Variants in PCDH15 observed in about 807,000 individuals in gnomAD.
PCDH15 encodes the protein protocadherin-15.
In PCDH15, 129 loss-of-function variants were observed where a neutral mutation model predicts 178.5. The observed-to-expected ratio is 0.72, with a 90% CI of 0.63 to 0.84. The LOEUF (loss-of-function observed/expected upper bound fraction) is 0.84. Ranked by LOEUF, PCDH15 falls within the 40% of genes least tolerant of loss-of-function variation. The probability of loss-of-function intolerance (pLI) is 0.00; values close to 1 mark genes in which losing one functional copy is unlikely to be tolerated. For synonymous variants in PCDH15, 800 were observed against 732.0 expected (o/e 1.09, Z -1.50); for missense variants, 2,230 against 2,099.9 (o/e 1.06, Z -1.21).
chr10:54,783,071 T>A (rs1950525009), intron 1 of PCDH15, among the ~76,000 whole-genome samples: 1 of 151,928 alleles, frequency 6.6e-6, no homozygotes, highest in African/African-American at 2.4e-5. Context: ...ACAAAACAGG[T>A]AAATGCAAGG....
intron 1 of PCDH15, among the ~76,000 whole-genome samples, chr10:55,280,705 T>C (rs1592045605): frequency 6.6e-6 from 1 of 152,146 alleles, no homozygotes; most frequent in African/African-American, 2.4e-5. Context: ...TCTATGTAGA[T>C]AGAGTCTAGT....
chr10:55,410,881 C>T (rs1395628864), intron 2 of PCDH15, among the ~76,000 whole-genome samples: 3 of 151,994 alleles, frequency 2.0e-5, no homozygotes, highest in South Asian at 2.1e-4. Flanking sequence ...TAGACATGTA[C>T]GCATTATTGC....
intron 3 of PCDH15, among the ~76,000 whole-genome samples, chr10:54,396,548 T>G (rs79936406): frequency 0.018 from 2,716 of 152,212 alleles, 92 homozygotes; most frequent in African/African-American, 0.062. Flanking sequence ...AGAGCAAGTG[T>G]CTTGACAGAG....
chr10:54,593,581 T>C (rs1347673205), intron 2 of PCDH15, among the ~76,000 whole-genome samples: 1 of 152,188 alleles, frequency 6.6e-6, no homozygotes, highest in Non-Finnish European at 1.5e-5. Flanking sequence ...ATTTGTAAAT[T>C]ATTTTGAAAT....
chr10:54,074,711 T>C (rs957084271), intron 17 of PCDH15, among the ~76,000 whole-genome samples: 11 of 152,178 alleles, frequency 7.2e-5, no homozygotes, highest in Admixed American at 2.0e-4. Flanking sequence ...GATATATAAA[T>C]GAAAGTGTGA....
At chr10:55,605,242 T>A (rs1456264061) in intron 2 of PCDH15, among the ~76,000 whole-genome samples, 1 of 151,996 alleles carries the variant, frequency 6.6e-6, no homozygotes, top group East Asian at 1.9e-4. Flanking sequence ...TCTGAAATTG[T>A]GGCAATAATC....
At chr10:54,569,909 A>G (rs1165403449) in intron 2 of PCDH15, among the ~76,000 whole-genome samples, 1 of 152,136 alleles carries the variant, frequency 6.6e-6, no homozygotes, top group Non-Finnish European at 1.5e-5. Context: ...CAGAGATTAC[A>G]TTGGGTTCTA....
At chr10:55,280,569 G>A (rs868306804) in intron 1 of PCDH15, among the ~76,000 whole-genome samples, 1 of 150,766 alleles carries the variant, frequency 6.6e-6, no homozygotes, top group Admixed American at 6.6e-5. Context: ...GATTACAGGC[G>A]TGAGCCACCG....
At chr10:53,953,843 G>T (rs185122947) in intron 23 of PCDH15, among the ~76,000 whole-genome samples, 1 of 152,260 alleles carries the variant, frequency 6.6e-6, no homozygotes, top group Admixed American at 6.5e-5. Context: ...AGGCTGGAGT[G>T]CAGTGGCGCA....
chr10:55,617,184 G>C (rs999531618), intron 2 of PCDH15, among the ~76,000 whole-genome samples: 1 of 151,994 alleles, frequency 6.6e-6, no homozygotes, highest in Non-Finnish European at 1.5e-5. Context: ...CCAAATAGGA[G>C]TGTTTACTAT....
chr10:54,379,218 T>C (rs1948870109), intron 3 of PCDH15, among the ~76,000 whole-genome samples: 1 of 152,014 alleles, frequency 6.6e-6, no homozygotes, highest in Non-Finnish European at 1.5e-5. Flanking sequence ...TAAATCTGTT[T>C]CCCCCCATCT....
rs1554816509 is a variant in PCDH15, at chr10:53,811,607, C to T, written c.4504G>A (p.Glu1502Lys). Reference protein sequence around the residue: ...SLLKPEELSMESGIDPGQEYG... With the variant: ...SLLKPEELSMKSGIDPGQEYG... The stretch of plus-strand genomic sequence containing the variant: ...TCCTGGCCAGGATCAATTCCAGACT[C>T]CATGGATAATTCCTATTGTTCAAAA... Residue 1502 changes from glutamate (E) to lysine (K), a missense_variant, in exon 36 of 38, where the codon GAG (glutamate) becomes AAG (lysine). Physicochemically the swap from Glu to Lys is moderately conservative, Grantham distance 56. Coordinates refer to ENST00000644397, the MANE Select transcript of PCDH15 (RefSeq NM_001384140.1). 6.4e-7 allele frequency: 1 copy of T among 1,559,526 alleles called. No homozygotes were observed. Among genetic ancestry groups the T allele is most frequent in the Non-Finnish European group, 8.7e-7 (1 of 1,152,158 alleles).
intron 2 of PCDH15, among the ~76,000 whole-genome samples, chr10:55,548,388 T>G (rs184258609): frequency 3.0e-4 from 46 of 152,170 alleles, no homozygotes; most frequent in Non-Finnish European, 5.0e-4. Context: ...ATACTGTAAA[T>G]GCCTTGTTTC....
At chr10:55,606,782 A>T (rs1208775242) in intron 2 of PCDH15, among the ~76,000 whole-genome samples, 96 of 146,606 alleles carry the variant, frequency 6.5e-4, no homozygotes, top group African/African-American at 2.1e-3. Flanking sequence ...TAGACCTAAA[A>T]CCATAAAAAC....
At chr10:55,291,078 TC>T (rs1221837268) in intron 1 of PCDH15, among the ~76,000 whole-genome samples, 2 of 152,096 alleles carry the variant, frequency 1.3e-5, no homozygotes, top group African/African-American at 4.8e-5. Context: ...AGAAAAATAA[TC>T]TTTTCTGATG....
intron 3 of PCDH15, among the ~76,000 whole-genome samples, chr10:54,478,667 C>T (rs1554992321): frequency 6.6e-6 from 1 of 151,970 alleles, no homozygotes; most frequent in Non-Finnish European, 1.5e-5. Context: ...TACATTATTC[C>T]ATCTCTTTCC....
intron 2 of PCDH15, among the ~76,000 whole-genome samples, chr10:54,653,938 T>A (rs193103242): frequency 1.3e-5 from 2 of 152,372 alleles, no homozygotes; most frequent in Non-Finnish European, 2.9e-5. Context: ...TGTGATTAAA[T>A]ATGCTAATGC....
intron 3 of PCDH15, among the ~76,000 whole-genome samples, chr10:54,834,489 T>C (rs1176851500): frequency 6.6e-6 from 1 of 151,946 alleles, no homozygotes; most frequent in East Asian, 1.9e-4. Flanking sequence ...ATTACTAGAA[T>C]TTAAACTCAG....
intron 3 of PCDH15, among the ~76,000 whole-genome samples, chr10:54,434,557 C>G (rs1392665784): frequency 6.6e-6 from 1 of 152,186 alleles, no homozygotes; most frequent in Non-Finnish European, 1.5e-5. Context: ...GAGAAATAAG[C>G]TATACCATAT....
Sources: allele counts gnomAD v4.1 joint callset (sites outside exome capture counted in the v4.1 genomes callset), GRCh38; gene constraint gnomAD v4.1.1; transcripts MANE v1.5; gene names NCBI Gene and HGNC (gene_info 2026-07-23, HGNC 2026-07-21).